COL21A1: variants seen among roughly 807,000 people sequenced by gnomAD.
COL21A1 encodes collagen alpha-1(XXI) chain.
In COL21A1, 149 loss-of-function variants were observed where a neutral mutation model predicts 137.9. The observed-to-expected ratio is 1.08, with a 90% confidence interval of 0.95 to 1.24. The LOEUF (loss-of-function observed/expected upper bound fraction) is 1.24. Ranked by LOEUF, COL21A1 falls within the 50% of genes most tolerant of loss-of-function variation. The pLI is 0.00. For missense variants in COL21A1, 1,167 were observed against 1,158.4 expected, an observed-to-expected ratio of 1.01 and a Z score of -0.11; for synonymous variants, 456 against 391.5, an observed-to-expected ratio of 1.16 and a Z score of -1.95.
At chr6:56,314,652 G>A (rs1220916907) in intron 1 of COL21A1, among the ~76,000 whole-genome samples, 2 of 152,050 alleles carry the variant, frequency 1.3e-5, no homozygotes, top group Non-Finnish European at 2.9e-5. Context: ...TTAACAACAC[G>A]AAAAGCTTCT....
intron 16 of COL21A1, among the ~76,000 whole-genome samples, chr6:56,112,687 CTTTT>C (rs779345756): frequency 8.0e-6 from 1 of 124,528 alleles, no homozygotes. Context: ...TTTCTTTTTT[CTTTT>C]TTTTTTTTTT....
intron 10 of COL21A1, among the ~76,000 whole-genome samples, chr6:56,156,428 C>A (rs947391966): frequency 1.3e-5 from 2 of 152,156 alleles, no homozygotes; most frequent in African/African-American, 4.8e-5. Context: ...AATGTAAATA[C>A]TCTAAAAAGC....
At chr6:56,243,817 TTAACCAAGAGTC>T (rs2152326388) in intron 1 of COL21A1, among the ~76,000 whole-genome samples, 1 of 152,294 alleles carries the variant, frequency 6.6e-6, no homozygotes, top group Admixed American at 6.5e-5. Context: ...TACCTTGTCT[TTAACCAAGAGTC>T]TATGCAGAAA....
chr6:56,180,243 G>T (rs1777796131), intron 2 of COL21A1, 114 bp from the exon 3 acceptor site: 2 of 826,216 alleles, frequency 2.4e-6, no homozygotes, highest in Admixed American at 3.1e-5. Context: ...ATTTTAAATT[G>T]TCTGTGAAAT....
At chr6:56,065,721 A>G (rs1298885339) in intron 23 of COL21A1, among the ~76,000 whole-genome samples, 1 of 151,948 alleles carries the variant, frequency 6.6e-6, no homozygotes, top group East Asian at 1.9e-4. Context: ...TTGGATAAGA[A>G]TGGGTGGAGT....
chr6:56,332,927 C>G (rs6914946), intron 1 of COL21A1, among the ~76,000 whole-genome samples: 6 of 151,874 alleles, frequency 4.0e-5, no homozygotes, highest in Admixed American at 6.6e-5. Flanking sequence ...GCAGATATGT[C>G]TGGACATATT....
At chr6:56,301,954 C>A (rs936544837) in intron 1 of COL21A1, among the ~76,000 whole-genome samples, 1 of 152,008 alleles carries the variant, frequency 6.6e-6, no homozygotes, top group Non-Finnish European at 1.5e-5. Flanking sequence ...GTTCAATTCC[C>A]ACCTATGAGT....
intron 16 of COL21A1, among the ~76,000 whole-genome samples, chr6:56,114,333 C>T (rs1006929756): frequency 6.6e-6 from 1 of 152,210 alleles, no homozygotes; most frequent in Non-Finnish European, 1.5e-5. Context: ...TGTATCACTC[C>T]ATCCCCAGCT....
At chr6:56,242,855 G>A (rs1180846482) in intron 1 of COL21A1, among the ~76,000 whole-genome samples, 1 of 152,164 alleles carries the variant, frequency 6.6e-6, no homozygotes, top group Non-Finnish European at 1.5e-5. Flanking sequence ...AAATTAAACT[G>A]TGATAAGTGG....
intron 1 of COL21A1, among the ~76,000 whole-genome samples, chr6:56,328,328 G>A (rs1765144620): frequency 1.3e-5 from 2 of 151,944 alleles, no homozygotes; most frequent in South Asian, 2.1e-4. Flanking sequence ...CTGAACTTTA[G>A]GTACAACGCA....
At chr6:56,084,521 A>G (rs997362242) in intron 17 of COL21A1, among the ~76,000 whole-genome samples, 13 of 151,948 alleles carry the variant, frequency 8.6e-5, no homozygotes, top group Non-Finnish European at 1.9e-4. Flanking sequence ...CAACTTCTAT[A>G]CTTTTTGAGT....
intron 9 of COL21A1, among the ~76,000 whole-genome samples, chr6:56,160,961 C>G: frequency 6.6e-6 from 1 of 152,150 alleles, no homozygotes; most frequent in Non-Finnish European, 1.5e-5. Flanking sequence ...GACCTAAGAC[C>G]TATTCCATTC....
intron 1 of COL21A1, among the ~76,000 whole-genome samples, chr6:56,270,306 TTAATAAGGA>T (rs1303556621): frequency 1.3e-5 from 2 of 152,178 alleles, no homozygotes; most frequent in Non-Finnish European, 2.9e-5. Flanking sequence ...CTGACAACAA[TTAATAAGGA>T]TAAAGAAGAG....
intron 1 of COL21A1, among the ~76,000 whole-genome samples, chr6:56,336,889 AT>A (rs1296485795): frequency 1.3e-5 from 2 of 152,152 alleles, no homozygotes; most frequent in African/African-American, 4.8e-5. Context: ...TGGGTGGATC[AT>A]TTTTCATCCA....
intron 17 of COL21A1, among the ~76,000 whole-genome samples, chr6:56,088,892 TC>T (rs1768522779): frequency 6.6e-6 from 1 of 151,922 alleles, no homozygotes; most frequent in Non-Finnish European, 1.5e-5. Flanking sequence ...GCTCAGGTGA[TC>T]CCCCCACCTC....
At chr6:56,271,475 G>T (rs1763524478) in intron 1 of COL21A1, among the ~76,000 whole-genome samples, 1 of 152,198 alleles carries the variant, frequency 6.6e-6, no homozygotes, top group South Asian at 2.1e-4. Flanking sequence ...TGGAACTTAT[G>T]TTTAAAAGGG....
rs1297586937 is a variant in COL21A1 at position 56,351,425 on chromosome 6, C to T, written c.-39+42546G>A. On this transcript the variant is annotated intron_variant, in intron 1 of 28. Transcript: ENST00000370819. ...CCTGTCACATGTAACTGCACACCAG[C>T]ACATGAAGCTAAAACTGTTAAGAAA... is the stretch of plus-strand genomic sequence containing the variant. 3.9e-5 allele frequency among the ~76,000 whole-genome samples: 6 copies of T among 152,178 alleles called. No homozygotes were observed. The East Asian group carries it at 1.2e-3, about 29-fold the overall frequency.
At chr6:56,095,993 C>G (rs1451070805) in intron 17 of COL21A1, among the ~76,000 whole-genome samples, 1 of 151,838 alleles carries the variant, frequency 6.6e-6, no homozygotes, top group East Asian at 1.9e-4. Flanking sequence ...ATTACAGGCG[C>G]CCACCACCAC....
intron 1 of COL21A1, among the ~76,000 whole-genome samples, chr6:56,216,285 C>A (rs1780483707): frequency 6.6e-6 from 1 of 152,014 alleles, no homozygotes; most frequent in Non-Finnish European, 1.5e-5. Flanking sequence ...ATACATCCAA[C>A]CCTACAGAGA....
Sources: gnomAD v4.1 joint callset for allele counts (sites outside exome capture counted in the v4.1 genomes callset) on GRCh38, gnomAD v4.1.1 for gene constraint, MANE v1.5 for transcripts, NCBI Gene and HGNC (gene_info 2026-07-23, HGNC 2026-07-21) for gene names.